The following SCN1A variants were observed in gnomAD, a reference collection of about 807,000 sequenced individuals.
SCN1A encodes the protein sodium channel protein type 1 subunit alpha.
Under a neutral mutation model 193.7 loss-of-function variants are expected in SCN1A, and 13 were observed. The observed-to-expected ratio is 0.07, with a 90% CI of 0.04 to 0.11. The LOEUF (loss-of-function observed/expected upper bound fraction) is 0.11, where lower values mean the gene tolerates loss of function less well. SCN1A is among the 10% of genes least tolerant of loss of function. SCN1A has a pLI of 1.00. For synonymous variants in SCN1A, 781 were observed against 843.6 expected (o/e 0.93, Z 1.29); for missense variants, 1,432 against 2,451.1 (o/e 0.58, Z 8.78).
intron 3 of SCN1A, 160 bp from the exon 4 acceptor site, chr2:166,073,830 G>C (rs1490219342): frequency 1.7e-6 from 1 of 598,358 alleles, no homozygotes; most frequent in East Asian, 2.9e-5. Flanking sequence ...AATGGTTTCT[G>C]TGTTGAGTTT....
rs533344847 is a variant in SCN1A at position 166,092,294 on chromosome 2, G to T, written c.-141-14493C>A. ...GATCTAAGGTGGACCTAGAATCTGT[G>T]TTTAAACTGCTTGTCCAGGTGATCA... On this transcript the variant is annotated intron_variant, in intron 2 of 28. Coordinates refer to ENST00000674923, the MANE Select transcript of SCN1A (RefSeq NM_001165963.4). Among the ~76,000 whole-genome samples, 36 of 152,232 alleles carry T rather than the reference G, an allele frequency of 2.4e-4. 1 individual carries two copies. The South Asian group carries it at 6.2e-3, about 26-fold the overall frequency.
chr2:166,000,731 G>C (rs1559123823), intron 24 of SCN1A, among the ~76,000 whole-genome samples: 1 of 151,682 alleles, frequency 6.6e-6, no homozygotes, highest in Non-Finnish European at 1.5e-5. Context: ...ATGAAAGAGA[G>C]AGAGATGTGT....
intron 19 of SCN1A, among the ~76,000 whole-genome samples, chr2:166,023,323 T>C (rs2105700593): frequency 6.6e-6 from 1 of 152,350 alleles, no homozygotes; most frequent in South Asian, 2.1e-4. Flanking sequence ...CCTTATTTTT[T>C]CACCCTTCTC....
intron 1 of SCN1A, among the ~76,000 whole-genome samples, chr2:166,137,248 C>T (rs1400663447): frequency 1.3e-5 from 2 of 152,138 alleles, no homozygotes; most frequent in Admixed American, 6.5e-5. Context: ...AAGCAAAACA[C>T]ATGTGTCTAA....
chr2:165,997,648 G>A lies in SCN1A; in HGVS notation c.4476+390C>T, dbSNP rs16851350. 8.2e-3 allele frequency among the ~76,000 whole-genome samples: 1,239 copies of A among 151,440 alleles called. 21 individuals carry two copies. The highest frequency in any genetic ancestry group is 0.029 in the African/African-American group (1,187 of 41,472). ...GCTTACATCCAGTGCCTAATTTATT[G>A]CAAAGAATTAGTTGGAAAATATATT... On this transcript the variant is annotated intron_variant, in intron 26 of 28. Transcript: ENST00000674923.
chr2:166,137,775 A>C (rs1035359271), intron 1 of SCN1A: 1 of 152,718 alleles, frequency 6.5e-6, no homozygotes, highest in Non-Finnish European at 1.5e-5. Context: ...TGTGGAAGCC[A>C]CTTTGGAACT....
chr2:166,044,936 G>C, intron 13 of SCN1A, 107 bp downstream of exon 13: 9 of 1,194,488 alleles, frequency 7.5e-6, no homozygotes, highest in Non-Finnish European at 8.6e-6. Flanking sequence ...TAACACAACA[G>C]TGGTTGATTC....
Position 165,988,923 on chromosome 2 carries a change from C to T in SCN1A, c.*2322G>A, listed in dbSNP as rs1478606494. 6.6e-6 allele frequency: 1 copy of T among 152,360 alleles called. No homozygotes were observed. Among genetic ancestry groups the T allele is most frequent in the Non-Finnish European group, 1.5e-5 (1 of 68,056 alleles). The allele number at this position is 152,360 out of a possible 1,614,324, so 9.4% of individuals were successfully genotyped here. On this transcript the variant is annotated 3_prime_UTR_variant, in exon 29 of 29. Coordinates refer to ENST00000674923, the MANE Select transcript of SCN1A (RefSeq NM_001165963.4). Reference sequence around the variant, plus strand: ...AGCTATCCTCTGACACCAGTTCTTCCTCCTAACAGAGAACACACCTGCTGC... The same window carrying T: ...AGCTATCCTCTGACACCAGTTCTTCTTCCTAACAGAGAACACACCTGCTGC...
chr2:165,985,380 TGGAA>T (rs761659125), downstream of SCN1A: 1 of 104,314 alleles, frequency 9.6e-6, no homozygotes, highest in South Asian at 2.8e-4. Flanking sequence ...AGGAAGAGAA[TGGAA>T]GGAAAGAAAA....
intron 24 of SCN1A, among the ~76,000 whole-genome samples, chr2:166,000,464 G>A (rs944752672): frequency 6.6e-6 from 1 of 151,654 alleles, no homozygotes; most frequent in African/African-American, 2.4e-5. Flanking sequence ...AGGATACTCA[G>A]GCTAACAACT....
intron 1 of SCN1A, among the ~76,000 whole-genome samples, chr2:166,144,739 A>G (rs1001489220): frequency 1.3e-5 from 2 of 152,168 alleles, no homozygotes; most frequent in Non-Finnish European, 2.9e-5. Flanking sequence ...GGATAGTGGA[A>G]CGAGAAGTGA....
Position 166,054,684 on chromosome 2 carries a change from G to A in SCN1A, c.556C>T (p.Leu186Phe). Residue 186 changes from leucine (L) to phenylalanine (F), a missense_variant, in exon 7 of 29, where the codon CTT becomes TTT. Around this residue, in one of 18 missense-constraint regions of SCN1A, gnomAD observed 123 missense variants for 282.8 expected, o/e 0.43. Transcript: ENST00000674923. ...RGFCLEDFTF[L>F]RDPWNWLDFT... The stretch of plus-strand genomic sequence containing the variant: ...TCGAGCCAGTTCCATGGATCCCGAA[G>A]GAAAGTAAAATCTTCTAAACAGAAT... The A allele has an allele frequency of 1.2e-6, 2 of 1,612,236 alleles. No homozygotes were observed. Among genetic ancestry groups the A allele is most frequent in the Non-Finnish European group, 1.7e-6 (2 of 1,178,860 alleles).
intron 1 of SCN1A, among the ~76,000 whole-genome samples, chr2:166,148,270 G>A (rs998975098): frequency 2.6e-5 from 4 of 152,080 alleles, no homozygotes; most frequent in South Asian, 2.1e-4. Flanking sequence ...ACTCTGCTGC[G>A]GCAATCTTAC....
At chr2:166,083,824 A>G (rs1313303131) in intron 2 of SCN1A, among the ~76,000 whole-genome samples, 4 of 152,212 alleles carry the variant, frequency 2.6e-5, no homozygotes, top group Non-Finnish European at 4.4e-5. Flanking sequence ...TATCAAGAAT[A>G]TAGTAATGAC....
At chr2:166,141,480 C>T (rs1225389487) in intron 1 of SCN1A, among the ~76,000 whole-genome samples, 2 of 151,878 alleles carry the variant, frequency 1.3e-5, no homozygotes, top group African/African-American at 4.8e-5. Context: ...TTGCTTGGGG[C>T]CAGGAGTTCA....
At chr2:165,999,636 AT>A in intron 25 of SCN1A, 86 bp downstream of exon 25, 2 of 957,462 alleles carry the variant, frequency 2.1e-6, no homozygotes, top group Non-Finnish European at 3.4e-6. Context: ...AGATAGAATC[AT>A]TTCATTTGGT....
rs758461482 is a variant in SCN1A at position 165,991,292 on chromosome 2, C to T, written c.5983G>A (p.Glu1995Lys). 1.2e-6 allele frequency: 2 copies of T among 1,613,416 alleles called. No individual in the cohort carries two copies. The highest frequency in any genetic ancestry group is 1.7e-6 in the Non-Finnish European group (2 of 1,179,812). ...SYDRVTKPIV[E>K]KHEQEGKDEK... ...TCTTTGCCTTCTTGCTCATGTTTTT[C>T]CACAATTGGCTTTGTCACCCGGTCA... is the stretch of plus-strand genomic sequence containing the variant. Residue 1995 changes from glutamate to lysine, a missense_variant, in exon 29 of 29, where the codon GAA becomes AAA. Physicochemically the swap from Glu to Lys is moderately conservative, Grantham distance 56 (BLOSUM62 1). Transcript: ENST00000674923.
At chr2:166,001,961 A>G (rs1297628256) in intron 24 of SCN1A, among the ~76,000 whole-genome samples, 3 of 128,134 alleles carry the variant, frequency 2.3e-5, no homozygotes, top group Non-Finnish European at 4.7e-5. Flanking sequence ...ACCCACCGCT[A>G]TGCCTGGTTC....
chr2:166,020,501 C>T (rs1174145208), intron 19 of SCN1A, among the ~76,000 whole-genome samples: 1 of 152,152 alleles, frequency 6.6e-6, no homozygotes, highest in Non-Finnish European at 1.5e-5. Context: ...TTTTCACCAG[C>T]TGAATGGTAT....
Sources: gnomAD v4.1 joint callset for allele counts (sites outside exome capture counted in the v4.1 genomes callset) on GRCh38, gnomAD v4.1.1 for gene constraint, gnomAD v4.1.1 regional missense constraint, MANE v1.5 for transcripts, NCBI Gene and HGNC (gene_info 2026-07-23, HGNC 2026-07-21) for gene names.